TMEM117: variants seen among roughly 807,000 people sequenced by gnomAD.
TMEM117 encodes transmembrane protein 117.
TMEM117 carries 27 observed loss-of-function variants against 52.4 expected under a neutral mutation model. That is an observed-to-expected ratio of 0.51 (90% CI 0.38 to 0.71). The LOEUF (loss-of-function observed/expected upper bound fraction) is 0.71, where lower values mean the gene tolerates loss of function less well. Among genes scored for constraint, TMEM117 ranks in the 30% least tolerant of loss-of-function variants. The probability of loss-of-function intolerance (pLI) is 0.00; values close to 1 mark genes in which losing one functional copy is unlikely to be tolerated. For missense variants in TMEM117, 556 were observed against 630.5 expected (o/e 0.88, Z 1.26); for synonymous variants, 215 against 206.3 (o/e 1.04, Z -0.36).
intron 6 of TMEM117, among the ~76,000 whole-genome samples, chr12:44,340,466 G>A (rs58093009): frequency 6.6e-6 from 1 of 152,042 alleles, no homozygotes; most frequent in Middle Eastern, 3.2e-3. Flanking sequence ...GAGAAAGTTT[G>A]CCAGCATTAC....
At chr12:43,827,196 AC>A in the TMEM117 span, among the ~76,000 whole-genome samples, 10 of 151,974 alleles carry the variant, frequency 6.6e-5, no homozygotes, top group Admixed American at 2.6e-4. Context: ...TAAAATTGTC[AC>A]CCACATCCTT....
chr12:43,866,548 C>G (rs1161597434), intron 2 of TMEM117, among the ~76,000 whole-genome samples: 2 of 152,200 alleles, frequency 1.3e-5, no homozygotes, highest in Admixed American at 6.5e-5. Context: ...GCACTCCAGC[C>G]TGGGTGACAG....
chr12:43,865,597 T>C (rs1246886459), intron 2 of TMEM117, among the ~76,000 whole-genome samples: 1 of 151,732 alleles, frequency 6.6e-6, no homozygotes, highest in Non-Finnish European at 1.5e-5. Context: ...CTAGAGGGGC[T>C]GAGGCAGGAG....
At chr12:43,802,575 A>C in the TMEM117 span, 2 of 818,356 alleles carry the variant, frequency 2.4e-6, no homozygotes, top group Non-Finnish European at 1.9e-6. Context: ...ACTATTATTC[A>C]CATCAAAAAG....
chr12:43,895,757 A>G (rs978941641), intron 2 of TMEM117, among the ~76,000 whole-genome samples: 1 of 152,228 alleles, frequency 6.6e-6, no homozygotes, highest in South Asian at 2.1e-4. Context: ...ACACCATGCT[A>G]AAGGTCCATG....
intron 5 of TMEM117, among the ~76,000 whole-genome samples, chr12:44,226,310 T>C (rs1176141896): frequency 6.6e-6 from 1 of 152,150 alleles, no homozygotes; most frequent in Non-Finnish European, 1.5e-5. Flanking sequence ...AAGAATGGGA[T>C]CACTGGGGCA....
At chr12:43,852,193 A>T (rs991798659) in intron 2 of TMEM117, among the ~76,000 whole-genome samples, 1 of 152,186 alleles carries the variant, frequency 6.6e-6, no homozygotes, top group Non-Finnish European at 1.5e-5. Context: ...GCACTTTGGG[A>T]GGCCGAGTCG....
chr12:44,018,575 G>A (rs1946407074), intron 3 of TMEM117, among the ~76,000 whole-genome samples: 1 of 152,092 alleles, frequency 6.6e-6, no homozygotes, highest in South Asian at 2.1e-4. Context: ...TCCATTGGTT[G>A]TTACATAAAT....
chr12:44,034,015 G>A (rs533669524), intron 3 of TMEM117, among the ~76,000 whole-genome samples: 19 of 152,278 alleles, frequency 1.2e-4, no homozygotes, highest in African/African-American at 4.3e-4. Flanking sequence ...CAAAGATCAT[G>A]TATATCATTC....
chr12:43,859,957 G>T (rs190724387), intron 2 of TMEM117, among the ~76,000 whole-genome samples: 2 of 152,142 alleles, frequency 1.3e-5, no homozygotes, highest in Admixed American at 6.5e-5. Context: ...CACTAGAAGA[G>T]ACTTTAAGAA....
intron 3 of TMEM117, among the ~76,000 whole-genome samples, chr12:44,090,079 A>G (rs1947637345): frequency 6.6e-6 from 1 of 152,206 alleles, no homozygotes; most frequent in Non-Finnish European, 1.5e-5. Flanking sequence ...AGACAACCAT[A>G]GCATTTTTTC....
chr12:44,091,636 G>A (rs142394430), intron 3 of TMEM117, among the ~76,000 whole-genome samples: 1 of 152,098 alleles, frequency 6.6e-6, no homozygotes, highest in African/African-American at 2.4e-5. Context: ...CAGAAGGGGG[G>A]AATATTTCTA....
At chr12:44,122,378 G>C (rs1948251756) in intron 3 of TMEM117, among the ~76,000 whole-genome samples, 1 of 151,964 alleles carries the variant, frequency 6.6e-6, no homozygotes, top group Non-Finnish European at 1.5e-5. Flanking sequence ...AGTATTTCAT[G>C]GTTCTATATG....
intron 3 of TMEM117, among the ~76,000 whole-genome samples, chr12:44,093,999 A>G (rs1269780088): frequency 2.6e-5 from 4 of 152,144 alleles, no homozygotes; most frequent in African/African-American, 9.7e-5. Flanking sequence ...GGGCTAGAGT[A>G]TGAAAAATCA....
At chr12:44,132,942 C>T (rs773321549) in intron 3 of TMEM117, among the ~76,000 whole-genome samples, 18 of 152,282 alleles carry the variant, frequency 1.2e-4, no homozygotes, top group Middle Eastern at 3.4e-3. Context: ...GTATTTTACT[C>T]GTGGTCCCAA....
rs189965961 is a variant in TMEM117 at position 43,845,596 on chromosome 12, G to A, written c.277+668G>A. The stretch of plus-strand genomic sequence containing the variant: ...CTAGGGTACAGGTGCACAATGTGCA[G>A]GTTTGTTACATAGGTATACATGTGC... On this transcript the variant is annotated intron_variant, in intron 2 of 7. Coordinates refer to ENST00000266534, the MANE Select transcript of TMEM117 (RefSeq NM_032256.3). 1.8e-3 allele frequency among the ~76,000 whole-genome samples: 277 copies of A among 151,626 alleles called. 3 individuals carry two copies. The highest frequency in any genetic ancestry group is 6.3e-3 in the African/African-American group (262 of 41,270).
chr12:44,057,934 G>A (rs543596580), intron 3 of TMEM117, among the ~76,000 whole-genome samples: 13 of 152,246 alleles, frequency 8.5e-5, no homozygotes, highest in South Asian at 8.3e-4. Flanking sequence ...CCTAATACCC[G>A]TACAGGCTTC....
At chr12:44,337,996 G>C (rs766299495) in intron 6 of TMEM117, among the ~76,000 whole-genome samples, 1 of 152,072 alleles carries the variant, frequency 6.6e-6, no homozygotes, top group Non-Finnish European at 1.5e-5. Flanking sequence ...AAGCACTATT[G>C]ATTTCTGATT....
intron 5 of TMEM117, among the ~76,000 whole-genome samples, chr12:44,249,625 T>C (rs1025644027): frequency 1.3e-5 from 2 of 152,152 alleles, no homozygotes; most frequent in Non-Finnish European, 2.9e-5. Flanking sequence ...AACACCGTGG[T>C]ACTGGTACCA....
Sources: gnomAD v4.1 joint callset for allele counts (sites outside exome capture counted in the v4.1 genomes callset) on GRCh38, gnomAD v4.1.1 for gene constraint, MANE v1.5 for transcripts, NCBI Gene and HGNC (gene_info 2026-07-23, HGNC 2026-07-21) for gene names.